RPS15A: variants seen among roughly 807,000 people sequenced by gnomAD.
RPS15A encodes ribosomal protein S15a.
For synonymous variants in RPS15A, 55 were observed against 58.5 expected (o/e 0.94, Z 0.27); for missense variants, 62 against 163.4 (o/e 0.38, Z 3.38).
chr16:18,782,924 T>A lies in RPS15A; in HGVS notation c.*85A>T, dbSNP rs1427726651. ...TGCATGCTGCCGCAGAAGCTGTGGC[T>A]ACACTGCTGTAAAGGCTCAAAACGA... On this transcript the variant is annotated 3_prime_UTR_variant, in exon 5 of 5. Coordinates refer to ENST00000322989, the MANE Select transcript of RPS15A (RefSeq NM_001019.5). The A allele has an allele frequency of 3.4e-5, 26 of 765,142 alleles. No individual in the cohort carries two copies. The highest frequency in any genetic ancestry group is 5.5e-5 in the Non-Finnish European group (25 of 453,652). The allele number at this position is 765,142 out of a possible 1,614,324, so 47.4% of individuals were successfully genotyped here.
chr16:18,790,139 G>C (rs977998498), intron 1 of RPS15A, 105 bp downstream of exon 1: 1 of 152,464 alleles, frequency 6.6e-6, no homozygotes, highest in Non-Finnish European at 1.5e-5. Flanking sequence ...GCACAGTCTG[G>C]GGCGCCCAGC....
chr16:18,788,881 T>G lies in RPS15A; in HGVS notation c.133+100A>C, dbSNP rs903505837. 16 of 1,254,276 alleles carry G rather than the reference T, an allele frequency of 1.3e-5. No individual in the cohort carries two copies. In the South Asian group the frequency reaches 1.4e-4, roughly 11 times the overall value. The allele number at this position is 1,254,276 out of a possible 1,614,324, so 77.7% of individuals were successfully genotyped here. A position where few individuals can be genotyped will look rare whatever the true frequency, so the allele number is the denominator to read the frequency against. On this transcript the variant is annotated intron_variant, in intron 2 of 4. Coordinates refer to ENST00000322989, the MANE Select transcript of RPS15A (RefSeq NM_001019.5). Reference sequence around the variant, plus strand: ...CAGGTCAATTGCATTCGTTCTCAGGTATGACAGACATACTTTGGTCCCCCA... The same window carrying G: ...CAGGTCAATTGCATTCGTTCTCAGGGATGACAGACATACTTTGGTCCCCCA...
intron 1 of RPS15A, 86 bp from the exon 2 acceptor site, chr16:18,789,204 C>A: frequency 1.5e-6 from 2 of 1,345,222 alleles, no homozygotes; most frequent in Non-Finnish European, 2.0e-6. Context: ...AGTATCCTTT[C>A]CTTTCTGGCC....
In RPS15A at chr16:18,784,466, G is replaced by A. The variant is rs112608196; in HGVS notation, c.299+272C>T. On this transcript the variant is annotated intron_variant, in intron 4 of 4. Coordinates refer to ENST00000322989, the MANE Select transcript of RPS15A (RefSeq NM_001019.5). The stretch of plus-strand genomic sequence containing the variant: ...TCTCCATGTTGGTCAGGGTGGTCTC[G>A]AACTCCCAACCTCAGGTGATCCGCC... 1.3e-3 allele frequency: 428 copies of A among 337,046 alleles called. 2 individuals carry two copies. The highest frequency in any genetic ancestry group is 9.0e-3 in the African/African-American group (412 of 45,932). The allele number at this position is 337,046 out of a possible 1,614,324, so 20.9% of individuals were successfully genotyped here. A position where few individuals can be genotyped will look rare whatever the true frequency, so the allele number is the denominator to read the frequency against.
At chr16:18,789,491 G>T (rs2029977492) in intron 1 of RPS15A, among the ~76,000 whole-genome samples, 1 of 152,206 alleles carries the variant, frequency 6.6e-6, no homozygotes, top group African/African-American at 2.4e-5. Context: ...GGGTATAGTC[G>T]ATCAGTGATT....
At chr16:18,790,111 G>A (rs1452477172) in intron 1 of RPS15A, 133 bp downstream of exon 1, 1 of 152,650 alleles carries the variant, frequency 6.6e-6, no homozygotes, top group Non-Finnish European at 1.5e-5. Flanking sequence ...GCACCCCACG[G>A]ACCGGGATCC....
At chr16:18,784,447 T>C (rs1904015219) in intron 4 of RPS15A, 2 of 275,530 alleles carry the variant, frequency 7.3e-6, no homozygotes, top group East Asian at 1.6e-4. Flanking sequence ...GGGTTCTCCA[T>C]GTTGGTCAGG....
Position 18,784,951 on chromosome 16 carries a change from T to C in RPS15A, c.214-128A>G, listed in dbSNP as rs77022978. 1.2e-4 allele frequency: 82 copies of C among 682,478 alleles called. 1 individual carries two copies. Among genetic ancestry groups the C allele is most frequent in the African/African-American group, 9.6e-4 (53 of 55,008 alleles). 42.3% of individuals were successfully genotyped at this position (682,478 alleles called of 1,614,324 possible). ...ACCAACCCAGCATTCAGATGGGTAC[T>C]TATTCTGTGCACAATGCTTGACATA... On this transcript the variant is annotated intron_variant, in intron 3 of 4. Transcript: ENST00000322989.
chr16:18,787,958 T>A lies in RPS15A; in HGVS notation c.213+105A>T, dbSNP rs1241709785. On this transcript the variant is annotated intron_variant, in intron 3 of 4. Coordinates refer to ENST00000322989, the MANE Select transcript of RPS15A (RefSeq NM_001019.5). Reference sequence around the variant, plus strand: ...AACCTTTTTAAAGTAACTGGATAAATCAAGTATGGCACCACTACTCAGTAT... The same window carrying A: ...AACCTTTTTAAAGTAACTGGATAAAACAAGTATGGCACCACTACTCAGTAT... The A allele has an allele frequency of 5.4e-6, 4 of 747,382 alleles. No homozygotes were observed. The African/African-American group carries it at 7.0e-5, about 13-fold the overall frequency. 46.3% of individuals were successfully genotyped at this position (747,382 alleles called of 1,614,324 possible). A position where few individuals can be genotyped will look rare whatever the true frequency, so the allele number is the denominator to read the frequency against.
rs866391610 is a variant in RPS15A, at chr16:18,782,884, G to T, written c.*125C>A. ...GTCACTTCAGGGAATCGCATTCACC[G>T]ATAAACGAAGCAACTGCATGCTGCC... On this transcript the variant is annotated 3_prime_UTR_variant, in exon 5 of 5. Coordinates refer to ENST00000322989, the MANE Select transcript of RPS15A (RefSeq NM_001019.5). 1.6e-6 allele frequency: 1 copy of T among 622,310 alleles called. No homozygotes were observed. Among genetic ancestry groups the T allele is most frequent in the Admixed American group, 2.9e-5 (1 of 34,498 alleles). The allele number at this position is 622,310 out of a possible 1,614,324, so 38.5% of individuals were successfully genotyped here.
In RPS15A at chr16:18,782,729, G is replaced by GAAAAAA. The variant is rs56008565; in HGVS notation, c.*274_*279dup. The GAAAAAA allele has an allele frequency of 1.8e-5, 3 of 163,504 alleles. No homozygotes were observed. The highest frequency in any genetic ancestry group is 3.5e-5 in the Non-Finnish European group (3 of 84,642). 10.1% of individuals were successfully genotyped at this position (163,504 alleles called of 1,614,324 possible). A position where few individuals can be genotyped will look rare whatever the true frequency, so the allele number is the denominator to read the frequency against. On this transcript the variant is annotated 3_prime_UTR_variant, in exon 5 of 5. Transcript: ENST00000322989. ...AGAGTCAGACTCTGTCTCCAAAAAA[G>GAAAAAA]AAAAAAAAAAAAAAAAACTGAAATA...
chr16:18,782,788 T>C lies in RPS15A; in HGVS notation c.*221A>G, dbSNP rs572597014. The C allele has an allele frequency of 1.7e-4, 71 of 419,508 alleles. 1 individual carries two copies. The highest frequency in any genetic ancestry group is 1.6e-4 in the Admixed American group (4 of 24,784). The allele number at this position is 419,508 out of a possible 1,614,324, so 26.0% of individuals were successfully genotyped here. ...ATATTTAGTGTCAAATACCTGGTTTTGGCAGACAGCAGGGGTGACTGTTTC... is the reference window on the plus strand; with the variant it reads ...ATATTTAGTGTCAAATACCTGGTTTCGGCAGACAGCAGGGGTGACTGTTTC... On this transcript the variant is annotated 3_prime_UTR_variant, in exon 5 of 5. Transcript: ENST00000322989.
In RPS15A at chr16:18,781,571, T is replaced by A. The variant is rs560694575; in HGVS notation, c.*1438A>T. ...ATTTTTCCCTCAACTTGGGGATAGG[T>A]TTTGTATCATTCCCATTACAGATAC... On this transcript the variant is annotated 3_prime_UTR_variant, in exon 5 of 5. Coordinates refer to ENST00000322989, the MANE Select transcript of RPS15A (RefSeq NM_001019.5). 15 of 151,958 alleles carry A rather than the reference T, an allele frequency of 9.9e-5. No individual in the cohort carries two copies. Among genetic ancestry groups the A allele is most frequent in the Non-Finnish European group, 1.8e-4 (12 of 67,954 alleles). The allele number at this position is 151,958 out of a possible 1,614,324, so 9.4% of individuals were successfully genotyped here.
At chr16:18,788,213 A>C in intron 2 of RPS15A, 71 bp from the exon 3 acceptor site, 1 of 968,990 alleles carries the variant, frequency 1.0e-6, no homozygotes, top group Non-Finnish European at 1.6e-6. Context: ...GCTCTAGCCT[A>C]CTCAATTCTT....
chr16:18,786,546 G>A (rs1904053802), intron 3 of RPS15A: 1 of 152,832 alleles, frequency 6.5e-6, no homozygotes, highest in South Asian at 2.0e-4. Context: ...GGGAGGCTGA[G>A]GTGGGAGGAT....
At position 18,782,291 on chromosome 16, in the gene RPS15A, C is replaced by CTTT. The variant is rs1338427426; in HGVS notation, c.*717_*718insAAA. The CTTT allele has an allele frequency of 5.5e-3, 356 of 65,190 alleles. 2 individuals are homozygous for CTTT. Among genetic ancestry groups the CTTT allele is most frequent in the African/African-American group, 0.017 (332 of 19,230 alleles). 4.0% of individuals were successfully genotyped at this position (65,190 alleles called of 1,614,324 possible). On this transcript the variant is annotated 3_prime_UTR_variant, in exon 5 of 5. Coordinates refer to ENST00000322989, the MANE Select transcript of RPS15A (RefSeq NM_001019.5). ...AGCCTGTGTGACAGAGCGACTTTGT[C>CTTT]TTAAAAAAAAAAAAAAAAAAAAAAA...
chr16:18,788,382 ACCCTTC>A (rs1369572623), intron 2 of RPS15A, among the ~76,000 whole-genome samples: 1 of 152,086 alleles, frequency 6.6e-6, no homozygotes, highest in Non-Finnish European at 1.5e-5. Context: ...TTTCCCCTTG[ACCCTTC>A]CTTCACTGCT....
Position 18,781,637 on chromosome 16 carries a change from T to A in RPS15A, c.*1372A>T, listed in dbSNP as rs1903968117. ...TGAGTGGAAGAGGAAACCTGAATTC[T>A]GCTGCTGGACCCCAAAACTCATGTT... On this transcript the variant is annotated 3_prime_UTR_variant, in exon 5 of 5. Transcript: ENST00000322989. 1 of 151,972 alleles carries A rather than the reference T, an allele frequency of 6.6e-6. No individual in the cohort carries two copies. The highest frequency in any genetic ancestry group is 6.6e-5 in the Admixed American group (1 of 15,236). The allele number at this position is 151,972 out of a possible 1,614,324, so 9.4% of individuals were successfully genotyped here. A position where few individuals can be genotyped will look rare whatever the true frequency, so the allele number is the denominator to read the frequency against.
chr16:18,788,265 G>C (rs747430036), intron 2 of RPS15A, 123 bp from the exon 3 acceptor site: 40 of 672,198 alleles, frequency 6.0e-5, no homozygotes, highest in Non-Finnish European at 9.5e-5. Flanking sequence ...CAAAAAGTTG[G>C]GGGGAAGACA....
Sources: gnomAD v4.1 joint callset for allele counts (sites outside exome capture counted in the v4.1 genomes callset) on GRCh38, gnomAD v4.1.1 for gene constraint, MANE v1.5 for transcripts, NCBI Gene and HGNC (gene_info 2026-07-23, HGNC 2026-07-21) for gene names.